Variants in SMURF1 observed in about 807,000 individuals in gnomAD.
SMURF1 encodes SMAD specific E3 ubiquitin protein ligase 1.
A neutral mutation model predicts 98.0 loss-of-function variants in SMURF1; 44 were observed. The ratio of observed to expected loss-of-function variants is 0.45; its 90% CI spans 0.35 to 0.58. The LOEUF is 0.58. Ranked by LOEUF, SMURF1 falls within the 20% of genes least tolerant of loss-of-function variation. SMURF1 has a pLI of 0.00. For synonymous variants in SMURF1, 396 were observed against 374.9 expected, an observed-to-expected ratio of 1.06 and a Z score of -0.65; for missense variants, 687 against 938.4, an observed-to-expected ratio of 0.73 and a Z score of 3.50.
intron 6 of SMURF1, among the ~76,000 whole-genome samples, chr7:99,052,774 A>G (rs1234776603): frequency 1.3e-5 from 2 of 152,218 alleles, no homozygotes; most frequent in South Asian, 2.1e-4. Flanking sequence ...TTGATTTAAA[A>G]TCAAATCCAG....
At chr7:99,079,178 G>T (rs1368390552) in intron 1 of SMURF1, among the ~76,000 whole-genome samples, 1 of 152,248 alleles carries the variant, frequency 6.6e-6, no homozygotes, top group Non-Finnish European at 1.5e-5. Flanking sequence ...GGCAGGGCGT[G>T]TGGCCACAGC....
In SMURF1 at chr7:99,143,762, G is replaced by T. The variant is rs1304185538; in HGVS notation, c.19C>A (p.Arg7Ser). The T allele has an allele frequency of 6.4e-7, 1 of 1,562,044 alleles. No homozygotes were observed. The highest frequency in any genetic ancestry group is 1.4e-5 in the African/African-American group (1 of 70,324). Reference sequence around the variant, plus strand: ...ATCTTGATGCTGGAGCCGTTCCTGCGTGTCCCGGGGTTCGACATCTCCCGC... The same window carrying T: ...ATCTTGATGCTGGAGCCGTTCCTGCTTGTCCCGGGGTTCGACATCTCCCGC... MSNPGT[R>S]RNGSSIKIRL... The change falls in exon 1 of 18, where the codon CGC (arginine) becomes AGC (serine). Residue 7 changes from arginine to serine, a missense_variant. This residue lies in a region of SMURF1 where 415 missense variants were observed against 508.4 expected (regional missense o/e 0.82). Coordinates refer to ENST00000361368, the MANE Select transcript of SMURF1 (RefSeq NM_181349.3).
At chr7:99,053,166 C>T (rs1795803003) in intron 6 of SMURF1, among the ~76,000 whole-genome samples, 2 of 152,186 alleles carry the variant, frequency 1.3e-5, no homozygotes, top group African/African-American at 2.4e-5. Flanking sequence ...ACTTTTTAAA[C>T]ATCAATCTTC....
Position 99,037,175 on chromosome 7 carries a change from G to A in SMURF1, c.1701C>T (p.Asn567=). 6.2e-7 allele frequency: 1 copy of A among 1,614,052 alleles called. No individual in the cohort carries two copies. The highest frequency in any genetic ancestry group is 1.1e-5 in the South Asian group (1 of 91,078). ...NKKEYVRLYV[N]WRFMRGIEAQ... The stretch of plus-strand genomic sequence containing the variant: ...CTTCGATTCCTCTCATAAACCTCCA[G>A]TTTACATACAACCTGGAAGAAAAAC... Residue 567 remains asparagine (N), a synonymous_variant, in exon 15 of 18, where the codon AAC becomes AAT. Coordinates refer to ENST00000361368, the MANE Select transcript of SMURF1 (RefSeq NM_181349.3).
At chr7:99,112,493 A>G (rs1009429714) in intron 1 of SMURF1, among the ~76,000 whole-genome samples, 9 of 152,230 alleles carry the variant, frequency 5.9e-5, no homozygotes, top group African/African-American at 1.9e-4. Flanking sequence ...AGGCATAGCT[A>G]TAACAAGCAG....
intron 13 of SMURF1, among the ~76,000 whole-genome samples, chr7:99,039,921 TACTTGCTTGGCCCCTGTGTAGGTTA>T (rs1393362203): frequency 1.5e-4 from 23 of 152,212 alleles, no homozygotes; most frequent in Admixed American, 1.5e-3. Context: ...TTTGTTTTGA[TACTTGCTTGGCCCCTGTGTAGGTTA>T]ACTGGAGATG....
At chr7:99,100,342 G>A (rs972268669) in intron 1 of SMURF1, among the ~76,000 whole-genome samples, 5 of 152,194 alleles carry the variant, frequency 3.3e-5, no homozygotes, top group African/African-American at 1.2e-4. Flanking sequence ...ATTTCCTGAG[G>A]TCAGGAATTA....
intron 8 of SMURF1, 194 bp from the exon 9 acceptor site, chr7:99,049,903 A>T (rs1795705085): frequency 4.1e-6 from 2 of 486,624 alleles, no homozygotes; most frequent in East Asian, 6.5e-5. Flanking sequence ...CAGCAGCAAC[A>T]TCCGAGAGAT....
In SMURF1 at chr7:99,143,760, G is replaced by A; in HGVS notation, c.21C>T (p.Arg7=). The A allele has an allele frequency of 6.4e-7, 1 of 1,562,912 alleles. No individual in the cohort carries two copies. Among genetic ancestry groups the A allele is most frequent in the Non-Finnish European group, 8.6e-7 (1 of 1,157,274 alleles). The change falls in exon 1 of 18, where the codon CGC becomes CGT. Residue 7 remains arginine, a synonymous_variant. Transcript: ENST00000361368. ...GGATCTTGATGCTGGAGCCGTTCCTGCGTGTCCCGGGGTTCGACATCTCCC... is the reference window on the plus strand; with the variant it reads ...GGATCTTGATGCTGGAGCCGTTCCTACGTGTCCCGGGGTTCGACATCTCCC... MSNPGT[R]RNGSSIKIRL...
rs370911990 is a variant in SMURF1, at chr7:99,033,017, T to G, written c.2096+20A>C. 1.2e-6 allele frequency: 2 copies of G among 1,600,108 alleles called. No homozygotes were observed. The highest frequency in any genetic ancestry group is 2.2e-5 in the South Asian group (2 of 89,614). On this transcript the variant is annotated intron_variant, in intron 17 of 17. Coordinates refer to ENST00000361368, the MANE Select transcript of SMURF1 (RefSeq NM_181349.3). ...TCTGGGGCTCCCAGGACGCCGTGAC[T>G]TCCTGGCCGCGGTGCTTACCAGGTA...
chr7:99,123,107 A>T (rs904491286), intron 1 of SMURF1, among the ~76,000 whole-genome samples: 1 of 149,358 alleles, frequency 6.7e-6, no homozygotes, highest in Non-Finnish European at 1.5e-5. Flanking sequence ...ACTTTTATTT[A>T]TTTTTTTTTT....
chr7:99,030,950 TTGCCCTCTCAACGTGCTGGGAGCCACTG>T (rs1451087611), intron 17 of SMURF1: 1 of 345,884 alleles, frequency 2.9e-6, no homozygotes, highest in African/African-American at 2.1e-5. Flanking sequence ...ACCTCCTGCC[TTGCCCTCTCAACGTGCTGGGAGCCACTG>T]TGCCCAATCA....
intron 13 of SMURF1, among the ~76,000 whole-genome samples, chr7:99,039,193 C>CA (rs34106810): frequency 0.031 from 1,887 of 60,384 alleles, 139 homozygotes; most frequent in Non-Finnish European, 0.044. Flanking sequence ...GACTCTGTCT[C>CA]AAAAAAAAAA....
chr7:99,048,094 G>A, intron 9 of SMURF1: 1 of 554,692 alleles, frequency 1.8e-6, no homozygotes, highest in South Asian at 2.0e-5. Context: ...GTACCATAAA[G>A]GAGGTACCCC....
At chr7:99,126,487 C>T (rs1279568100) in intron 1 of SMURF1, among the ~76,000 whole-genome samples, 1 of 151,682 alleles carries the variant, frequency 6.6e-6, no homozygotes. Context: ...GAAACCCTGT[C>T]TCTATTAAAA....
chr7:99,036,711 A>G (rs1184782000), intron 15 of SMURF1, among the ~76,000 whole-genome samples: 3 of 152,156 alleles, frequency 2.0e-5, no homozygotes, highest in Non-Finnish European at 4.4e-5. Flanking sequence ...GAAGAGCCAG[A>G]ATAAAAAGCA....
At position 99,028,800 on chromosome 7, in the gene SMURF1, TAG is replaced by T. The variant is rs1454509120; in HGVS notation, c.*1782_*1783del. 1 of 152,168 alleles carries T rather than the reference TAG, an allele frequency of 6.6e-6. No individual in the cohort carries two copies. The highest frequency in any genetic ancestry group is 1.5e-5 in the Non-Finnish European group (1 of 68,046). 9.4% of individuals were successfully genotyped at this position (152,168 alleles called of 1,614,324 possible). ...CGCCTCCCGCGGGTTAGGCTCGTGA[TAG>T]AGAGTGGGCTGTCCGGGGGAGGTCT... On this transcript the variant is annotated 3_prime_UTR_variant, in exon 18 of 18. Coordinates refer to ENST00000361368, the MANE Select transcript of SMURF1 (RefSeq NM_181349.3).
intron 1 of SMURF1, among the ~76,000 whole-genome samples, chr7:99,101,701 A>T (rs1336671107): frequency 6.6e-6 from 1 of 152,196 alleles, no homozygotes; most frequent in Non-Finnish European, 1.5e-5. Context: ...GCACTTCGGG[A>T]GGCCGAGGCA....
At chr7:99,110,242 C>T (rs1797288431) in intron 1 of SMURF1, among the ~76,000 whole-genome samples, 1 of 152,018 alleles carries the variant, frequency 6.6e-6, no homozygotes, top group Admixed American at 6.6e-5. Context: ...GATAAAATTC[C>T]TAGAAATAAA....
Sources: allele counts gnomAD v4.1 joint callset (sites outside exome capture counted in the v4.1 genomes callset), GRCh38; gene constraint gnomAD v4.1.1; regional missense constraint gnomAD v4.1.1; transcripts MANE v1.5; gene names NCBI Gene and HGNC (gene_info 2026-07-23, HGNC 2026-07-21).